CNTNAP4: variants seen among roughly 807,000 people sequenced by gnomAD.
The protein encoded by CNTNAP4 is contactin associated protein family member 4.
In CNTNAP4, 98 loss-of-function variants were observed where a neutral mutation model predicts 148.4. That is an observed-to-expected ratio of 0.66 (90% CI 0.56 to 0.78). CNTNAP4 has a LOEUF of 0.78. CNTNAP4 is among the 30% of genes least tolerant of loss of function. CNTNAP4 has a pLI of 0.00. For synonymous variants in CNTNAP4, 730 were observed against 565.1 expected (o/e 1.29, Z -4.14); for missense variants, 1,935 against 1,565.6 (o/e 1.24, Z -3.98).
intron 2 of CNTNAP4, among the ~76,000 whole-genome samples, chr16:76,329,060 T>C (rs973050691): frequency 1.3e-5 from 2 of 152,228 alleles, no homozygotes; most frequent in Non-Finnish European, 2.9e-5. Flanking sequence ...TAAAAACACA[T>C]GTAAATACTT....
At chr16:76,537,695 C>T (rs2084270471) in intron 18 of CNTNAP4, among the ~76,000 whole-genome samples, 1 of 152,062 alleles carries the variant, frequency 6.6e-6, no homozygotes, top group Non-Finnish European at 1.5e-5. Context: ...GAGAGTCTCT[C>T]AAACATCCTT....
In CNTNAP4 at chr16:76,467,497, G is replaced by C. The variant is rs769018027; in HGVS notation, c.1629G>C (p.Gln543His). The change falls in exon 10 of 24, where the codon CAG (glutamine) becomes CAC (histidine). Residue 543 changes from glutamine (Q) to histidine (H), a missense_variant. Gln to His is a conservative substitution (Grantham distance 24). Coordinates refer to ENST00000611870, the MANE Select transcript of CNTNAP4 (RefSeq NM_033401.5). ...QGSLGNFSDL[Q>H]IDSCGISDRC... ...CCCTTGGGAACTTCAGTGACCTTCAGATAGACTCATGTGGCATCTCAGACA... is the reference window on the plus strand; with the variant it reads ...CCCTTGGGAACTTCAGTGACCTTCACATAGACTCATGTGGCATCTCAGACA... The C allele has an allele frequency of 5.6e-6, 9 of 1,613,200 alleles. No homozygotes were observed. The highest frequency in any genetic ancestry group is 6.8e-6 in the Non-Finnish European group (8 of 1,179,674).
chr16:76,430,369 G>A (rs910019532), intron 4 of CNTNAP4, among the ~76,000 whole-genome samples: 1 of 152,066 alleles, frequency 6.6e-6, no homozygotes, highest in African/African-American at 2.4e-5. Flanking sequence ...GAAATAGCTA[G>A]GACTACTGGC....
chr16:76,467,021 T>C (rs934037010), intron 9 of CNTNAP4, among the ~76,000 whole-genome samples: 5 of 152,168 alleles, frequency 3.3e-5, no homozygotes, highest in Non-Finnish European at 7.4e-5. Flanking sequence ...TAAGTTCCCA[T>C]CTGTAAGTTA....
At chr16:76,525,410 GTCTA>G (rs1411913030) in intron 17 of CNTNAP4, among the ~76,000 whole-genome samples, 1 of 149,552 alleles carries the variant, frequency 6.7e-6, no homozygotes, top group Non-Finnish European at 1.5e-5. Flanking sequence ...AAAAAAATCT[GTCTA>G]TCCATCTATC....
intron 3 of CNTNAP4, among the ~76,000 whole-genome samples, chr16:76,391,544 G>T (rs1021310351): frequency 4.6e-5 from 7 of 152,134 alleles, no homozygotes; most frequent in African/African-American, 1.7e-4. Flanking sequence ...AGGTTGTCTT[G>T]TATGCTATTC....
chr16:76,465,129 A>G (rs1443375596), intron 9 of CNTNAP4, among the ~76,000 whole-genome samples: 1 of 152,214 alleles, frequency 6.6e-6, no homozygotes, highest in Admixed American at 6.5e-5. Flanking sequence ...GCAGTGACAT[A>G]TAGCGATAAT....
Position 76,521,248 on chromosome 16 carries a change from C to T in CNTNAP4, c.2474C>T (p.Ala825Val), listed in dbSNP as rs2083443019. ...GTATCTTTCTTTTTTAAGACAACAG[C>T]TTCATCTGGGGTATTTTTAGAGAAC... ...ADVSFFFKTTASSGVFLENLG... is the reference protein window; with the variant it reads ...ADVSFFFKTTVSSGVFLENLG... The change falls in exon 16 of 24, where the codon GCT becomes GTT. Residue 825 changes from alanine to valine, a missense_variant. Transcript: ENST00000611870. 1 of 1,612,654 alleles carries T rather than the reference C, an allele frequency of 6.2e-7. No individual in the cohort carries two copies. Among genetic ancestry groups the T allele is most frequent in the Non-Finnish European group, 8.5e-7 (1 of 1,179,296 alleles).
chr16:76,314,728 A>G (rs1440393807), intron 1 of CNTNAP4, among the ~76,000 whole-genome samples: 1 of 152,070 alleles, frequency 6.6e-6, no homozygotes, highest in Non-Finnish European at 1.5e-5. Context: ...GCAGCCCAGC[A>G]AGTCTCAGCC....
At chr16:76,325,892 G>A (rs567306893) in intron 2 of CNTNAP4, among the ~76,000 whole-genome samples, 98 of 152,034 alleles carry the variant, frequency 6.4e-4, no homozygotes, top group African/African-American at 2.2e-3. Flanking sequence ...TTGAAAAAAT[G>A]TTTCAAAAAC....
chr16:76,443,314 C>T (rs1327022578), intron 4 of CNTNAP4, among the ~76,000 whole-genome samples: 1 of 152,060 alleles, frequency 6.6e-6, no homozygotes, highest in African/African-American at 2.4e-5. Flanking sequence ...TCACATTTTT[C>T]CTATGGTCAA....
chr16:76,556,590 T>C (rs2085208492), intron 23 of CNTNAP4, among the ~76,000 whole-genome samples: 1 of 152,206 alleles, frequency 6.6e-6, no homozygotes, highest in Admixed American at 6.5e-5. Flanking sequence ...ATTTTTCACA[T>C]TGAAATTGTT....
At chr16:76,550,678 G>GA (rs34188706) in intron 21 of CNTNAP4, among the ~76,000 whole-genome samples, 101,342 of 149,162 alleles carry the variant, frequency 0.68, 34,487 homozygotes, top group Middle Eastern at 0.82. Flanking sequence ...AAAGTAAAAA[G>GA]AAAAAAAAAA....
intron 2 of CNTNAP4, among the ~76,000 whole-genome samples, chr16:76,323,133 C>T (rs1048326836): frequency 1.3e-5 from 2 of 152,132 alleles, no homozygotes; most frequent in African/African-American, 4.8e-5. Flanking sequence ...ACGCCTGAGC[C>T]ACTGTATCTG....
At chr16:76,368,725 G>A (rs924803211) in intron 3 of CNTNAP4, among the ~76,000 whole-genome samples, 1 of 152,150 alleles carries the variant, frequency 6.6e-6, no homozygotes, top group African/African-American at 2.4e-5. Context: ...TAATGTAGAT[G>A]ATGGGTTGAT....
At chr16:76,474,115 A>G (rs1196153127) in intron 10 of CNTNAP4, among the ~76,000 whole-genome samples, 1 of 152,158 alleles carries the variant, frequency 6.6e-6, no homozygotes, top group African/African-American at 2.4e-5. Flanking sequence ...TTATTTCCTT[A>G]CAACTGGCTA....
At chr16:76,402,542 T>G (rs6564328) in intron 3 of CNTNAP4, among the ~76,000 whole-genome samples, 152,249 of 152,250 alleles carry the variant, frequency 1, 76,124 homozygotes, top group Non-Finnish European at 1. Flanking sequence ...GGCTTTTCGT[T>G]TCTTGATTTC....
chr16:76,433,458 T>C (rs1490361823), intron 4 of CNTNAP4, among the ~76,000 whole-genome samples: 5 of 152,192 alleles, frequency 3.3e-5, no homozygotes, highest in African/African-American at 4.8e-5. Context: ...AATAGGAATG[T>C]ATACTTTATT....
intron 8 of CNTNAP4, among the ~76,000 whole-genome samples, chr16:76,458,354 G>C (rs1426275318): frequency 6.6e-6 from 1 of 152,020 alleles, no homozygotes; most frequent in African/African-American, 2.4e-5. Flanking sequence ...CTGTAATGTT[G>C]GGGGATGGTT....
Sources: gnomAD v4.1 joint callset for allele counts (sites outside exome capture counted in the v4.1 genomes callset) on GRCh38, gnomAD v4.1.1 for gene constraint, MANE v1.5 for transcripts, NCBI Gene and HGNC (gene_info 2026-07-23, HGNC 2026-07-21) for gene names.